DLG1: variants seen among roughly 807,000 people sequenced by gnomAD.
The protein encoded by DLG1 is discs large MAGUK scaffold protein 1, also known as disks large homolog 1.
A neutral mutation model predicts 123.4 loss-of-function variants in DLG1; 42 were observed. The ratio of observed to expected loss-of-function variants is 0.34; its 90% confidence interval spans 0.27 to 0.44. The LOEUF (loss-of-function observed/expected upper bound fraction) is 0.44. Among genes scored for constraint, DLG1 ranks in the 20% least tolerant of loss-of-function variants. The probability of loss-of-function intolerance (pLI) is 1.00; values close to 1 mark genes in which losing one functional copy is unlikely to be tolerated. For synonymous variants in DLG1, 317 were observed against 356.2 expected (o/e 0.89, Z 1.24); for missense variants, 942 against 1,082.6 (o/e 0.87, Z 1.82).
intron 15 of DLG1, 71 bp downstream of exon 15, chr3:197,090,841 G>A: frequency 1.1e-6 from 1 of 927,258 alleles, no homozygotes; most frequent in Non-Finnish European, 1.7e-6. Context: ...GTAAGTTATA[G>A]TGAAAAATAC....
At chr3:197,182,437 ACT>A (rs1330457987) in intron 5 of DLG1, among the ~76,000 whole-genome samples, 1 of 152,158 alleles carries the variant, frequency 6.6e-6, no homozygotes, top group African/African-American at 2.4e-5. Flanking sequence ...AGAATTTCTT[ACT>A]TAAGAAAGCT....
intron 11 of DLG1, among the ~76,000 whole-genome samples, chr3:197,125,002 A>T (rs558381765): frequency 1.3e-5 from 2 of 152,346 alleles, no homozygotes; most frequent in South Asian, 4.1e-4. Context: ...AATGACATTC[A>T]GTATACAAAT....
At chr3:197,297,521 G>A in intron 1 of DLG1, 4 of 1,198,774 alleles carry the variant, frequency 3.3e-6, no homozygotes, top group Non-Finnish European at 4.2e-6. Flanking sequence ...CTCTTCCCCC[G>A]CACAAGTATC....
chr3:197,058,240 G>GC (rs1733220123), intron 23 of DLG1, among the ~76,000 whole-genome samples: 1 of 152,130 alleles, frequency 6.6e-6, no homozygotes, highest in Non-Finnish European at 1.5e-5. Context: ...TAGGCCTCCT[G>GC]AAGTGTTGGG....
intron 4 of DLG1, among the ~76,000 whole-genome samples, chr3:197,240,701 C>G (rs760011528): frequency 2.6e-5 from 4 of 151,664 alleles, no homozygotes; most frequent in African/African-American, 9.7e-5. Context: ...TAAAATTATC[C>G]AAGTCATAAC....
intron 4 of DLG1, among the ~76,000 whole-genome samples, chr3:197,238,348 T>A (rs766398305): frequency 5.9e-5 from 9 of 151,546 alleles, no homozygotes; most frequent in Non-Finnish European, 1.2e-4. Flanking sequence ...CCTAACAGAG[T>A]TTAAAGTAGG....
At chr3:197,268,720 T>C (rs976755566) in intron 4 of DLG1, among the ~76,000 whole-genome samples, 1 of 152,104 alleles carries the variant, frequency 6.6e-6, no homozygotes, top group Non-Finnish European at 1.5e-5. Flanking sequence ...CTTTATAAAT[T>C]AAATTTTTTA....
intron 4 of DLG1, among the ~76,000 whole-genome samples, chr3:197,253,860 CATTATT>C (rs973780923): frequency 6.6e-6 from 1 of 151,404 alleles, no homozygotes; most frequent in East Asian, 1.9e-4. Context: ...GTGATTTCTG[CATTATT>C]ATTATTTTTT....
chr3:197,210,985 T>C (rs1730992439), intron 4 of DLG1, among the ~76,000 whole-genome samples: 1 of 146,252 alleles, frequency 6.8e-6, no homozygotes, highest in Non-Finnish European at 1.5e-5. Context: ...CCAAATATGA[T>C]TTATTTCAAC....
chr3:197,283,635 G>A (rs1238512419), intron 3 of DLG1, among the ~76,000 whole-genome samples: 5 of 152,018 alleles, frequency 3.3e-5, no homozygotes, highest in Non-Finnish European at 7.4e-5. Context: ...GTTATATAAC[G>A]CTTAGATTCA....
At chr3:197,272,353 GAAAAAAA>G (rs139031522) in intron 4 of DLG1, among the ~76,000 whole-genome samples, 10 of 135,892 alleles carry the variant, frequency 7.4e-5, no homozygotes, top group Non-Finnish European at 1.4e-4. Flanking sequence ...CTCCTCTAAG[GAAAAAAA>G]AAAGAAAAAA....
chr3:197,246,127 A>G (rs902095338), intron 4 of DLG1, among the ~76,000 whole-genome samples: 6 of 152,078 alleles, frequency 3.9e-5, no homozygotes, highest in African/African-American at 1.4e-4. Flanking sequence ...GTTTGAGCGG[A>G]CCGATTATTG....
chr3:197,187,494 T>C (rs1253731828), intron 5 of DLG1, among the ~76,000 whole-genome samples: 1 of 152,188 alleles, frequency 6.6e-6, no homozygotes, highest in East Asian at 1.9e-4. Flanking sequence ...AATTATCTGC[T>C]CATTGACCCT....
At chr3:197,245,899 T>TGGGGGGGGGG (rs1554044922) in intron 4 of DLG1, among the ~76,000 whole-genome samples, 1 of 93,470 alleles carries the variant, frequency 1.1e-5, no homozygotes, top group African/African-American at 4.1e-5. Context: ...TTTTTTTTTT[T>TGGGGGGGGGG]TGGGGGGGGG....
At chr3:197,156,623 G>A (rs139745593) in intron 5 of DLG1, among the ~76,000 whole-genome samples, 48 of 152,238 alleles carry the variant, frequency 3.2e-4, no homozygotes, top group African/African-American at 1.1e-3. Context: ...GGTATTTCAT[G>A]CAACAGTAAC....
chr3:197,172,563 T>C (rs191843270), intron 5 of DLG1, among the ~76,000 whole-genome samples: 22 of 152,272 alleles, frequency 1.4e-4, no homozygotes, highest in Non-Finnish European at 3.1e-4. Flanking sequence ...AATAAAACCA[T>C]GCGACTGTCA....
At chr3:197,229,769 C>CATA (rs1432036901) in intron 4 of DLG1, among the ~76,000 whole-genome samples, 2 of 152,166 alleles carry the variant, frequency 1.3e-5, no homozygotes, top group Non-Finnish European at 2.9e-5. Flanking sequence ...TTTTGAAAAT[C>CATA]ATACCTTAAC....
intron 4 of DLG1, among the ~76,000 whole-genome samples, chr3:197,265,672 G>A (rs763382853): frequency 1.3e-5 from 2 of 152,272 alleles, no homozygotes; most frequent in South Asian, 2.1e-4. Context: ...CAGAGCTCAC[G>A]CAAGGCCAAG....
chr3:197,171,835 T>A (rs757329546), intron 5 of DLG1, among the ~76,000 whole-genome samples: 3 of 152,180 alleles, frequency 2.0e-5, no homozygotes, highest in Non-Finnish European at 4.4e-5. Flanking sequence ...TGTGCTTTTT[T>A]ACCTGATTTT....
Sources: allele counts gnomAD v4.1 joint callset (sites outside exome capture counted in the v4.1 genomes callset), GRCh38; gene constraint gnomAD v4.1.1; transcripts MANE v1.5; gene names NCBI Gene and HGNC (gene_info 2026-07-23, HGNC 2026-07-21).